PPP6R2: variants seen among roughly 807,000 people sequenced by gnomAD.
The protein encoded by PPP6R2 is serine/threonine-protein phosphatase 6 regulatory subunit 2.
A neutral mutation model predicts 100.2 loss-of-function variants in PPP6R2; 62 were observed. The ratio of observed to expected loss-of-function variants is 0.62; its 90% CI spans 0.50 to 0.76. PPP6R2 has a LOEUF of 0.76. Ranked by LOEUF, PPP6R2 falls within the 30% of genes least tolerant of loss-of-function variation. PPP6R2 has a pLI of 0.00. For synonymous variants in PPP6R2, 525 were observed against 514.7 expected (o/e 1.02, Z -0.27); for missense variants, 1,142 against 1,276.3 (o/e 0.89, Z 1.60).
At position 50,422,523 on chromosome 22, in the gene PPP6R2, C is replaced by T. The variant is rs187689705; in HGVS notation, c.972+143C>T. On this transcript the variant is annotated intron_variant, in intron 9 of 23. Coordinates refer to ENST00000612753, the MANE Select transcript of PPP6R2 (RefSeq NM_001242898.2). ...TAAGACGGCCATTCCCACACCCCCA[C>T]TTGAGAAGCACCGGGCAGGTGCCAA... The T allele has an allele frequency of 1.3e-4, 146 of 1,159,724 alleles. No individual in the cohort carries two copies. In the African/African-American group the frequency reaches 2.2e-3, roughly 17 times the overall value. The allele number at this position is 1,159,724 out of a possible 1,614,324, so 71.8% of individuals were successfully genotyped here.
chr22:50,373,429 G>A (rs1454598443), intron 2 of PPP6R2, among the ~76,000 whole-genome samples: 6 of 151,534 alleles, frequency 4.0e-5, no homozygotes, highest in Non-Finnish European at 8.8e-5. Context: ...ATTTGTAGTA[G>A]AGACGGCATT....
At chr22:50,351,019 C>T (rs2044998182) in intron 1 of PPP6R2, among the ~76,000 whole-genome samples, 1 of 118,952 alleles carries the variant, frequency 8.4e-6, no homozygotes, top group South Asian at 3.1e-4. Flanking sequence ...CAGTAGGTCT[C>T]AACAGTGTTT....
At chr22:50,433,913 G>T in intron 12 of PPP6R2, among the ~76,000 whole-genome samples, 1 of 37,038 alleles carries the variant, frequency 2.7e-5, no homozygotes, top group African/African-American at 1.1e-4. Context: ...GAGGGCCGGG[G>T]GCGCAGACGC....
At chr22:50,432,866 T>C (rs2063430761) in intron 12 of PPP6R2, among the ~76,000 whole-genome samples, 2 of 152,108 alleles carry the variant, frequency 1.3e-5, no homozygotes, top group Non-Finnish European at 2.9e-5. Flanking sequence ...AGTGCAGCTG[T>C]GGGGAAGCAG....
At chr22:50,371,329 A>G (rs2050159998) in intron 1 of PPP6R2, among the ~76,000 whole-genome samples, 1 of 152,024 alleles carries the variant, frequency 6.6e-6, no homozygotes, top group African/African-American at 2.4e-5. Context: ...CGGCATCAGT[A>G]TGGTGACCTC....
chr22:50,395,798 C>T (rs550811942), intron 3 of PPP6R2, among the ~76,000 whole-genome samples: 94 of 148,764 alleles, frequency 6.3e-4, no homozygotes, highest in African/African-American at 2.3e-3. Flanking sequence ...GACTCCTGGG[C>T]TCAAGCAATC....
intron 21 of PPP6R2, among the ~76,000 whole-genome samples, 188 bp downstream of exon 21, chr22:50,440,237 G>C: frequency 6.6e-6 from 1 of 152,224 alleles, no homozygotes; most frequent in Non-Finnish European, 1.5e-5. Context: ...GAGGCCCCCA[G>C]AGGGGAGGCA....
At chr22:50,374,703 C>T (rs1364935906) in intron 2 of PPP6R2, among the ~76,000 whole-genome samples, 2 of 152,020 alleles carry the variant, frequency 1.3e-5, no homozygotes, top group African/African-American at 4.8e-5. Flanking sequence ...ATCATAAGGT[C>T]AGGAGATTGA....
At chr22:50,381,209 C>T (rs969101707) in intron 2 of PPP6R2, among the ~76,000 whole-genome samples, 6 of 151,844 alleles carry the variant, frequency 4.0e-5, no homozygotes, top group African/African-American at 9.7e-5. Flanking sequence ...ACCCCTCCTA[C>T]CAGGCTCCAC....
chr22:50,333,036 G>A, the PPP6R2 span, among the ~76,000 whole-genome samples: 2 of 152,106 alleles, frequency 1.3e-5, no homozygotes, highest in Non-Finnish European at 2.9e-5. Flanking sequence ...CTACTTGGGA[G>A]GCTGAAGCAG....
At chr22:50,443,687 C>G in intron 22 of PPP6R2, 179 bp from the exon 23 acceptor site, 1 of 826,732 alleles carries the variant, frequency 1.2e-6, no homozygotes, top group African/African-American at 1.7e-5. Context: ...GAACTTGGGG[C>G]AGCAGAGCTG....
In PPP6R2 at chr22:50,431,151, C is replaced by T. The variant is rs778566581; in HGVS notation, c.1126-22C>T. ...AGGAGAAAACCGATCTAAGAACTGTCTTCTGTCCTCTGTTTACCCAGGACT... is the reference window on the plus strand; with the variant it reads ...AGGAGAAAACCGATCTAAGAACTGTTTTCTGTCCTCTGTTTACCCAGGACT... On this transcript the variant is annotated intron_variant, in intron 10 of 23. Coordinates refer to ENST00000612753, the MANE Select transcript of PPP6R2 (RefSeq NM_001242898.2). The surrounding 1 kb of genome is among the most constrained non-coding windows in gnomAD (Gnocchi z 4.8). 21 of 1,575,716 alleles carry T rather than the reference C, an allele frequency of 1.3e-5. No homozygotes were observed. Among genetic ancestry groups the T allele is most frequent in the South Asian group, 4.4e-5 (4 of 90,192 alleles).
At chr22:50,394,447 A>T (rs777270568) in intron 3 of PPP6R2, among the ~76,000 whole-genome samples, 16 of 150,994 alleles carry the variant, frequency 1.1e-4, no homozygotes, top group East Asian at 1.9e-4. Context: ...TTTTTTTTTT[A>T]AATTAGCCAG....
At chr22:50,398,220 G>A (rs2057421744) in intron 3 of PPP6R2, among the ~76,000 whole-genome samples, 1 of 148,654 alleles carries the variant, frequency 6.7e-6, no homozygotes, top group Non-Finnish European at 1.5e-5. Context: ...CGCCCAGGCT[G>A]GAGTACGGTG....
chr22:50,414,509 T>G lies in PPP6R2; in HGVS notation c.415-43T>G, dbSNP rs1372347198. 1.9e-6 allele frequency: 3 copies of G among 1,603,916 alleles called. No individual in the cohort carries two copies. In the South Asian group the frequency reaches 3.3e-5, roughly 18 times the overall value. On this transcript the variant is annotated intron_variant, in intron 4 of 23. Transcript: ENST00000612753. ...TTTTGGAGGAGGTGTCTCAGGGTTG[T>G]CAGGGTCGGCCCCGCCTGCCTCTCA...
chr22:50,440,683 C>A, intron 21 of PPP6R2, 139 bp from the exon 22 acceptor site: 1 of 960,788 alleles, frequency 1.0e-6, no homozygotes, highest in Non-Finnish European at 1.6e-6. Context: ...CCTCATCATG[C>A]GGCTCCCACA....
rs2060914948 is a variant in PPP6R2, at chr22:50,418,859, CTT to C, written c.619-5_619-4del. On this transcript the variant is annotated splice_region_variant and splice_polypyrimidine_tract_variant and intron_variant, in intron 6 of 23. Coordinates refer to ENST00000612753, the MANE Select transcript of PPP6R2 (RefSeq NM_001242898.2). Reference sequence around the variant, plus strand: ...CTGAGGGACTCTGTGTTTCCCTTGTCTTTTCAGAGGCAGTCAAATGCTTCTCA... The same window carrying C: ...CTGAGGGACTCTGTGTTTCCCTTGTCTTCAGAGGCAGTCAAATGCTTCTCA... 6.2e-7 allele frequency: 1 copy of C among 1,605,076 alleles called. No individual in the cohort carries two copies. Among genetic ancestry groups the C allele is most frequent in the Admixed American group, 1.7e-5 (1 of 59,960 alleles).
Position 50,435,015 on chromosome 22 carries a change from G to A in PPP6R2, c.1450G>A (p.Ala484Thr), listed in dbSNP as rs140951188. 13 of 1,604,004 alleles carry A rather than the reference G, an allele frequency of 8.1e-6. No individual in the cohort carries two copies. Among genetic ancestry groups the A allele is most frequent in the Admixed American group, 1.7e-5 (1 of 59,192 alleles). The change falls in exon 13 of 24, where the codon GCC (alanine) becomes ACC (threonine). Residue 484 changes from alanine to threonine, a missense_variant. By Grantham distance (58) the Ala-to-Thr change is moderately conservative. This residue lies in a region of PPP6R2 where 592 missense variants were observed against 758.9 expected (regional missense o/e 0.78). Transcript: ENST00000612753. Reference sequence around the variant, plus strand: ...GAACATGGGCCACCTCACACGGATCGCCAACGCGGTGGTGCAGAACCTGGA... The same window carrying A: ...GAACATGGGCCACCTCACACGGATCACCAACGCGGTGGTGCAGAACCTGGA... The part of the protein sequence containing the change: ...RGNMGHLTRI[A>T]NAVVQNLERG...
At chr22:50,336,858 C>A in the PPP6R2 span, among the ~76,000 whole-genome samples, 3 of 151,962 alleles carry the variant, frequency 2.0e-5, no homozygotes, top group Non-Finnish European at 4.4e-5. Flanking sequence ...AGGCGTGCAC[C>A]ACCATGCCCA....
Sources: gnomAD v4.1 joint callset for allele counts (sites outside exome capture counted in the v4.1 genomes callset) on GRCh38, gnomAD v4.1.1 for gene constraint, gnomAD v4.1.1 regional missense constraint, Gnocchi (gnomAD v3.1) non-coding constraint, MANE v1.5 for transcripts, NCBI Gene and HGNC (gene_info 2026-07-23, HGNC 2026-07-21) for gene names.